Variants in NUP188 observed in about 807,000 individuals in gnomAD.
NUP188 encodes nucleoporin NUP188.
A neutral mutation model predicts 223.0 loss-of-function variants in NUP188; 97 were observed. That is an observed-to-expected ratio of 0.43 (90% CI 0.37 to 0.51). The LOEUF (loss-of-function observed/expected upper bound fraction) is 0.51, where lower values mean the gene tolerates loss of function less well. Among genes scored for constraint, NUP188 ranks in the 20% least tolerant of loss-of-function variants. NUP188 has a pLI of 0.00. For synonymous variants in NUP188, 869 were observed against 828.0 expected (o/e 1.05, Z -0.85); for missense variants, 1,947 against 2,175.6 (o/e 0.89, Z 2.09).
intron 3 of NUP188, 66 bp downstream of exon 3, chr9:128,952,912 CCTT>C: frequency 8.1e-7 from 1 of 1,237,076 alleles, no homozygotes; most frequent in South Asian, 1.2e-5. Context: ...ATAAAACCAT[CCTT>C]CTATGTGCTT....
chr9:128,949,985 C>T lies in NUP188; in HGVS notation c.87+742C>T, dbSNP rs1234035074. Among the ~76,000 whole-genome samples, 7 of 139,576 alleles carry T rather than the reference C, an allele frequency of 5.0e-5. 1 individual carries two copies. Among genetic ancestry groups the T allele is most frequent in the Admixed American group, 1.6e-4 (2 of 12,718 alleles). 91.6% of individuals were successfully genotyped at this position (139,576 alleles called of 152,430 possible). A position where few individuals can be genotyped will look rare whatever the true frequency, so the allele number is the denominator to read the frequency against. Reference sequence around the variant, plus strand: ...CTCCCAGGCTGGAGTGTAAGTAGCTCGATCTTGGCTCACTTCAACCTCTGC... The same window carrying T: ...CTCCCAGGCTGGAGTGTAAGTAGCTTGATCTTGGCTCACTTCAACCTCTGC... On this transcript the variant is annotated intron_variant, in intron 2 of 43. Coordinates refer to ENST00000372577, the MANE Select transcript of NUP188 (RefSeq NM_015354.3).
At position 128,981,253 on chromosome 9, in the gene NUP188, T is replaced by G. The variant is rs770857105; in HGVS notation, c.1390-11T>G. On this transcript the variant is annotated splice_polypyrimidine_tract_variant and intron_variant, in intron 14 of 43. Coordinates refer to ENST00000372577, the MANE Select transcript of NUP188 (RefSeq NM_015354.3). ...GAGGGAAATGTGTGATGGTTTTTTC[T>G]GTTTTGGCAGGTGTATAGCTTCTTG... The G allele has an allele frequency of 1.9e-6, 3 of 1,611,410 alleles. No individual in the cohort carries two copies. The highest frequency in any genetic ancestry group is 2.5e-6 in the Non-Finnish European group (3 of 1,179,148).
At chr9:128,953,337 G>A (rs1158438245) in intron 3 of NUP188, among the ~76,000 whole-genome samples, 1 of 152,158 alleles carries the variant, frequency 6.6e-6, no homozygotes, top group Non-Finnish European at 1.5e-5. Context: ...ATTGGGTAGT[G>A]GAAAACATAG....
At chr9:128,979,760 G>A (rs1292297783) in intron 13 of NUP188, among the ~76,000 whole-genome samples, 6 of 152,278 alleles carry the variant, frequency 3.9e-5, no homozygotes, top group Non-Finnish European at 7.4e-5. Flanking sequence ...AGCCTCCCAA[G>A]TAGCTGGGAT....
At chr9:128,991,162 C>CTTTTTTTT (rs78549616) in intron 25 of NUP188, among the ~76,000 whole-genome samples, 4 of 123,478 alleles carry the variant, frequency 3.2e-5, no homozygotes, top group African/African-American at 6.1e-5. Flanking sequence ...CTCCAGATTT[C>CTTTTTTTT]TTTTTTTTTT....
At chr9:128,970,672 T>G (rs1842092472) in intron 10 of NUP188, 86 bp from the exon 11 acceptor site, 2 of 1,141,550 alleles carry the variant, frequency 1.8e-6, no homozygotes, top group Admixed American at 3.8e-5. Context: ...CTTTATGGCT[T>G]GCTTATTGAG....
intron 1 of NUP188, 136 bp from the exon 2 acceptor site, chr9:128,949,053 C>A: frequency 1.6e-6 from 1 of 622,804 alleles, no homozygotes; most frequent in Non-Finnish European, 2.9e-6. Flanking sequence ...AACAAGATTA[C>A]TTTCCAAAAA....
intron 30 of NUP188, 95 bp downstream of exon 30, chr9:128,995,609 A>G: frequency 9.0e-7 from 1 of 1,106,620 alleles, no homozygotes; most frequent in Non-Finnish European, 1.3e-6. Flanking sequence ...CGGAAGAATT[A>G]ATCAGGGTTT....
At chr9:128,967,305 A>G (rs1274785934) in intron 8 of NUP188, among the ~76,000 whole-genome samples, 1 of 152,162 alleles carries the variant, frequency 6.6e-6, no homozygotes, top group Non-Finnish European at 1.5e-5. Flanking sequence ...GACGTGAGCC[A>G]CCCTGCTAGT....
At chr9:128,949,507 T>G (rs1340405195) in intron 2 of NUP188, among the ~76,000 whole-genome samples, 15 of 151,606 alleles carry the variant, frequency 9.9e-5, no homozygotes, top group Non-Finnish European at 4.4e-5. Context: ...TAATTTTGTA[T>G]TTTTAGTAGA....
Position 128,990,245 on chromosome 9 carries a change from C to A in NUP188, c.2640+19C>A, listed in dbSNP as rs769483473. 450 of 1,565,034 alleles carry A rather than the reference C, an allele frequency of 2.9e-4. No homozygotes were observed. Among genetic ancestry groups the A allele is most frequent in the Non-Finnish European group, 3.7e-4 (420 of 1,136,022 alleles). On this transcript the variant is annotated intron_variant, in intron 25 of 43. Coordinates refer to ENST00000372577, the MANE Select transcript of NUP188 (RefSeq NM_015354.3). The stretch of plus-strand genomic sequence containing the variant: ...GGCCACGGTAGGATCGTACTTCATG[C>A]ACACACACTGTTTATATGAGGGTGT...
chr9:128,974,099 C>T (rs1490080948), intron 12 of NUP188, among the ~76,000 whole-genome samples: 1 of 151,950 alleles, frequency 6.6e-6, no homozygotes, highest in East Asian at 1.9e-4. Flanking sequence ...TTGGTAGAGA[C>T]GGGGTTTCAC....
At chr9:128,965,056 C>T (rs1225335186) in intron 8 of NUP188, among the ~76,000 whole-genome samples, 1 of 152,158 alleles carries the variant, frequency 6.6e-6, no homozygotes, top group Non-Finnish European at 1.5e-5. Flanking sequence ...TATTATGGCT[C>T]CTGCCTTTTG....
chr9:128,970,520 C>T (rs1044332971), intron 10 of NUP188, among the ~76,000 whole-genome samples: 1 of 152,082 alleles, frequency 6.6e-6, no homozygotes, highest in South Asian at 2.1e-4. Context: ...TCGTAACATG[C>T]ATTTTATAAT....
Position 128,982,566 on chromosome 9 carries a change from C to T in NUP188, c.1534C>T (p.Arg512Cys), listed in dbSNP as rs749744983. The change falls in exon 16 of 44, where the codon CGC (arginine) becomes TGC (cysteine). Residue 512 changes from arginine to cysteine, a missense_variant. Arg to Cys is a radical substitution (Grantham distance 180, BLOSUM62 -3). Coordinates refer to ENST00000372577, the MANE Select transcript of NUP188 (RefSeq NM_015354.3). ...TCTCTCAGGGGGTCAAACCAACCTTCGCATACCTCAAGGCACTGTGGGCCA... is the reference window on the plus strand; with the variant it reads ...TCTCTCAGGGGGTCAAACCAACCTTTGCATACCTCAAGGCACTGTGGGCCA... ...LYPLGGQTNL[R>C]IPQGTVGQVM... 6 of 1,612,028 alleles carry T rather than the reference C, an allele frequency of 3.7e-6. No individual in the cohort carries two copies. The highest frequency in any genetic ancestry group is 2.7e-5 in the African/African-American group (2 of 74,838).
At position 128,993,640 on chromosome 9, in the gene NUP188, T is replaced by G. The variant is rs1386515990; in HGVS notation, c.2963T>G (p.Leu988Trp). ...CTGCATCGTGCCGCCATTGCCTTTT[T>G]GCATGCTCTGTGGCAGGATCGGAGG... ...PLLHRAAIAFLHALWQDRRDS... is the reference protein window; with the variant it reads ...PLLHRAAIAFWHALWQDRRDS... The change falls in exon 27 of 44, where the codon TTG (leucine) becomes TGG (tryptophan). Residue 988 changes from leucine to tryptophan, a missense_variant. Physicochemically the swap from Leu to Trp is moderately conservative, Grantham distance 61 (BLOSUM62 -2). Coordinates refer to ENST00000372577, the MANE Select transcript of NUP188 (RefSeq NM_015354.3). The G allele has an allele frequency of 1.2e-6, 2 of 1,614,116 alleles. No individual in the cohort carries two copies. The highest frequency in any genetic ancestry group is 2.2e-5 in the East Asian group (1 of 44,900).
At chr9:128,961,619 TAGA>T (rs1380875871) in intron 8 of NUP188, among the ~76,000 whole-genome samples, 15 of 141,062 alleles carry the variant, frequency 1.1e-4, no homozygotes, top group South Asian at 4.4e-4. Context: ...GATAGATAGA[TAGA>T]TTTTTTTTTT....
chr9:129,002,900 G>A lies in NUP188; in HGVS notation c.4221G>A (p.Leu1407=), dbSNP rs770383913. Residue 1407 remains leucine (L), a synonymous_variant, in exon 37 of 44, where the codon CTG becomes CTA. Coordinates refer to ENST00000372577, the MANE Select transcript of NUP188 (RefSeq NM_015354.3). ...YRLSMSLMEQ[L]LKTLRYNFLP... The stretch of plus-strand genomic sequence containing the variant: ...TGTCCATGTCCCTGATGGAGCAGCT[G>A]CTCAAAACTCTGCGCTACAACTTCC... 1.2e-6 allele frequency: 2 copies of A among 1,614,098 alleles called. No individual in the cohort carries two copies. The highest frequency in any genetic ancestry group is 1.6e-4 in the Middle Eastern group (1 of 6,084).
rs778593040 is a variant in NUP188 at position 129,001,506 on chromosome 9, T to C, written c.3844-23T>C. 3 of 1,605,898 alleles carry C rather than the reference T, an allele frequency of 1.9e-6. No individual in the cohort carries two copies. The Admixed American group carries it at 5.0e-5, about 27-fold the overall frequency. The stretch of plus-strand genomic sequence containing the variant: ...CTCCTCCTCTTCTTCTTCCCCCTTT[T>C]ACTCATCTTTGCCTCTGGGCAGGTG... On this transcript the variant is annotated intron_variant, in intron 34 of 43. Transcript: ENST00000372577.
Sources: allele counts gnomAD v4.1 joint callset (sites outside exome capture counted in the v4.1 genomes callset), GRCh38; gene constraint gnomAD v4.1.1; transcripts MANE v1.5; gene names NCBI Gene and HGNC (gene_info 2026-07-23, HGNC 2026-07-21).